The following PCNT variants were observed in gnomAD, a reference collection of about 807,000 sequenced individuals.
PCNT encodes pericentrin, also known as kendrin.
In PCNT, 319 loss-of-function variants were observed where a neutral mutation model predicts 380.4. That is an observed-to-expected ratio of 0.84 (90% confidence interval 0.77 to 0.92). PCNT has a LOEUF of 0.92. Ranked by LOEUF, PCNT falls within the 40% of genes least tolerant of loss-of-function variation. The pLI, the probability that PCNT is intolerant of heterozygous loss-of-function variation, is 0.00. For missense variants in PCNT, 4,400 were observed against 4,255.3 expected (o/e 1.03, Z -0.95); for synonymous variants, 1,845 against 1,735.2 (o/e 1.06, Z -1.57).
intron 3 of PCNT, among the ~76,000 whole-genome samples, chr21:46,338,131 G>T (rs1043564776): frequency 6.6e-6 from 1 of 151,838 alleles, no homozygotes; most frequent in Non-Finnish European, 1.5e-5. Flanking sequence ...CTCCTGCCTC[G>T]GCCTCCAAAA....
intron 3 of PCNT, among the ~76,000 whole-genome samples, chr21:46,335,300 G>C (rs985011218): frequency 6.6e-6 from 1 of 152,176 alleles, no homozygotes; most frequent in Non-Finnish European, 1.5e-5. Context: ...AATTCCATAC[G>C]TGTTGAGTTG....
Position 46,444,761 on chromosome 21 carries a change from T to C in PCNT, c.9907T>C (p.Leu3303=), listed in dbSNP as rs780025267. 6.2e-7 allele frequency: 1 copy of C among 1,613,330 alleles called. No individual in the cohort carries two copies. The highest frequency in any genetic ancestry group is 2.2e-5 in the East Asian group (1 of 44,868). The part of the protein sequence containing the change: ...LTASQDPEHS[L]TEYIHHLEVI... ...TGCTTCTCAAGATCCAGAACATTCC[T>C]TGACAGAGTATATTCACCATTTAGA... The change falls in exon 46 of 47, where the codon TTG becomes CTG. Residue 3303 remains leucine (L), a synonymous_variant. Transcript: ENST00000359568.
In PCNT at chr21:46,416,661, C is replaced by T. The variant is rs200670600; in HGVS notation, c.6743C>T (p.Ser2248Leu). ...CCCAGCCTCCCCGTGACACCCCACT[C>T]AGGAGCCCTGAGCCTGTGCAGTGCC... ...PWPSLPVTPH[S>L]GALSLCSADT... Residue 2248 changes from serine (S) to leucine (L), a missense_variant, in exon 30 of 47, where the codon TCA becomes TTA. Ser to Leu is a moderately radical substitution (Grantham distance 145). Transcript: ENST00000359568. The T allele has an allele frequency of 2.0e-5, 31 of 1,563,342 alleles. No individual in the cohort carries two copies. The highest frequency in any genetic ancestry group is 1.1e-4 in the Admixed American group (6 of 54,206).
intron 2 of PCNT, among the ~76,000 whole-genome samples, chr21:46,327,530 T>C (rs1000750369): frequency 4.6e-5 from 7 of 151,956 alleles, no homozygotes; most frequent in African/African-American, 1.5e-4. Context: ...CCTCTTAAAG[T>C]GTTGGGATTA....
At chr21:46,428,959 T>C (rs904453842) in intron 35 of PCNT, among the ~76,000 whole-genome samples, 1 of 152,212 alleles carries the variant, frequency 6.6e-6, no homozygotes, top group Non-Finnish European at 1.5e-5. Context: ...TGTGGGTAAG[T>C]AACGATTTTT....
chr21:46,442,016 G>A (rs572235489), intron 43 of PCNT, among the ~76,000 whole-genome samples: 27 of 152,164 alleles, frequency 1.8e-4, no homozygotes, highest in Non-Finnish European at 2.6e-4. Context: ...GCATGCCCTC[G>A]TCACCTGCAC....
intron 10 of PCNT, 131 bp from the exon 11 acceptor site, chr21:46,353,856 G>A (rs972729542): frequency 3.9e-6 from 3 of 776,366 alleles, no homozygotes; most frequent in Non-Finnish European, 6.8e-6. Flanking sequence ...CCCGCACATG[G>A]ACATTGCCCG....
chr21:46,329,662 A>G (rs2083494401), intron 2 of PCNT, among the ~76,000 whole-genome samples: 1 of 152,158 alleles, frequency 6.6e-6, no homozygotes, highest in African/African-American at 2.4e-5. Flanking sequence ...CTTCACCCTC[A>G]AGCGTGGGGT....
chr21:46,373,857 G>A (rs2147039403), intron 15 of PCNT, among the ~76,000 whole-genome samples: 1 of 150,706 alleles, frequency 6.6e-6, no homozygotes, highest in Non-Finnish European at 1.5e-5. Flanking sequence ...AGCCTCCTGA[G>A]TAGCTGGGAT....
chr21:46,383,232 G>T (rs142165894), intron 16 of PCNT, among the ~76,000 whole-genome samples: 1 of 146,502 alleles, frequency 6.8e-6, no homozygotes, highest in African/African-American at 2.5e-5. Flanking sequence ...TGGCGGAAGC[G>T]CATTCACAGT....
At chr21:46,432,329 T>C in intron 38 of PCNT, 114 bp downstream of exon 38, 1 of 1,025,632 alleles carries the variant, frequency 9.8e-7, no homozygotes, top group Non-Finnish European at 1.5e-6. Context: ...CCTGGTCTGC[T>C]CTGGTCTGTG....
intron 19 of PCNT, among the ~76,000 whole-genome samples, chr21:46,390,005 T>C (rs1297459951): frequency 1.3e-5 from 2 of 152,240 alleles, no homozygotes; most frequent in African/African-American, 4.8e-5. Context: ...AGCAGCCACA[T>C]GTGTGAAAGC....
At chr21:46,348,918 G>T (rs1601801056) in intron 6 of PCNT, 94 bp from the exon 7 acceptor site, 1 of 859,692 alleles carries the variant, frequency 1.2e-6, no homozygotes, top group East Asian at 2.5e-5. Context: ...GAGCCACGTT[G>T]CCTGGCCTGC....
chr21:46,435,239 T>C (rs1436638334), intron 38 of PCNT, among the ~76,000 whole-genome samples: 1 of 152,270 alleles, frequency 6.6e-6, no homozygotes, highest in East Asian at 1.9e-4. Context: ...GTTTGGTTTT[T>C]TTTGGTAGAT....
Position 46,389,224 on chromosome 21 carries a change from T to C in PCNT, c.3633T>C (p.Ser1211=). The C allele has an allele frequency of 6.2e-7, 1 of 1,614,192 alleles. No individual in the cohort carries two copies. Among genetic ancestry groups the C allele is most frequent in the Non-Finnish European group, 8.5e-7 (1 of 1,180,018 alleles). ...CTCCGGCGCTGGAGGAGACATGGTC[T>C]GATGTGGCCCTCCCGGAGTTGGACA... ...STAPALEETW[S]DVALPELDRT... is the part of the protein sequence containing the mutation. The change falls in exon 19 of 47, where the codon TCT becomes TCC. Residue 1211 remains serine (S), a synonymous_variant. Coordinates refer to ENST00000359568, the MANE Select transcript of PCNT (RefSeq NM_006031.6).
At chr21:46,347,124 C>T in intron 5 of PCNT, 126 bp downstream of exon 5, 2 of 1,217,298 alleles carry the variant, frequency 1.6e-6, no homozygotes, top group South Asian at 1.5e-5. Flanking sequence ...TTCTCAGCAC[C>T]TTGCCTGGTG....
chr21:46,385,816 C>T lies in PCNT; in HGVS notation c.3313-16C>T. 2 of 1,614,100 alleles carry T rather than the reference C, an allele frequency of 1.2e-6. No homozygotes were observed. ...CAAATTGTTTTAACGAAAGCTTTAA[C>T]CATTTTTCTCGATAGCTGAAAGACC... On this transcript the variant is annotated splice_polypyrimidine_tract_variant and intron_variant, in intron 16 of 46. Transcript: ENST00000359568.
At chr21:46,353,911 G>A (rs1048168543) in intron 10 of PCNT, 76 bp from the exon 11 acceptor site, 15 of 1,270,914 alleles carry the variant, frequency 1.2e-5, no homozygotes, top group Non-Finnish European at 1.6e-5. Context: ...GTGAGCAGTC[G>A]GTCCTGGGGA....
Position 46,411,825 on chromosome 21 carries a change from G to C in PCNT, c.5752G>C (p.Glu1918Gln), listed in dbSNP as rs749854039. ...CCTGGCAGCCGGGGCGGCGCCTCCC[G>C]AGCTGCAGTGGCTCCGAGCGCAGTG... Reference protein sequence around the residue: ...QPLAAGAAPPELQWLRAQCAR... With the variant: ...QPLAAGAAPPQLQWLRAQCAR... The change falls in exon 28 of 47, where the codon GAG becomes CAG. Residue 1918 changes from glutamate to glutamine, a missense_variant. By Grantham distance (29) the Glu-to-Gln change is conservative (BLOSUM62 2). Transcript: ENST00000359568. 6.4e-7 allele frequency: 1 copy of C among 1,571,906 alleles called. No homozygotes were observed. Among genetic ancestry groups the C allele is most frequent in the East Asian group, 2.3e-5 (1 of 43,066 alleles).
Sources: allele counts gnomAD v4.1 joint callset (sites outside exome capture counted in the v4.1 genomes callset), GRCh38; gene constraint gnomAD v4.1.1; transcripts MANE v1.5; gene names NCBI Gene and HGNC (gene_info 2026-07-23, HGNC 2026-07-21).